CEP112: variants seen among roughly 807,000 people sequenced by gnomAD.
The protein encoded by CEP112 is centrosomal protein of 112 kDa.
Under a neutral mutation model 153.0 loss-of-function variants are expected in CEP112, and 127 were observed. The observed-to-expected ratio is 0.83, with a 90% confidence interval of 0.72 to 0.96. The LOEUF is 0.96. CEP112 is among the 40% of genes least tolerant of loss of function. CEP112 has a pLI of 0.00. For missense variants in CEP112, 1,089 were observed against 1,101.2 expected (o/e 0.99, Z 0.16); for synonymous variants, 358 against 374.4 (o/e 0.96, Z 0.51).
intron 4 of CEP112, among the ~76,000 whole-genome samples, chr17:66,143,975 C>G (rs544553134): frequency 2.6e-5 from 4 of 152,302 alleles, no homozygotes; most frequent in Non-Finnish European, 5.9e-5. Flanking sequence ...CGGTCCCTCT[C>G]TCACCATTGT....
chr17:65,690,612 C>T (rs1390849736), intron 23 of CEP112, among the ~76,000 whole-genome samples: 1 of 151,704 alleles, frequency 6.6e-6, no homozygotes, highest in African/African-American at 2.4e-5. Flanking sequence ...AATAGATGGT[C>T]CAAGAAGGCC....
At chr17:66,136,728 G>A (rs9891968) in intron 4 of CEP112, among the ~76,000 whole-genome samples, 8,844 of 152,172 alleles carry the variant, frequency 0.058, 271 homozygotes, top group East Asian at 0.072. Flanking sequence ...AAGGCCCATG[G>A]TACAAGACAC....
intron 6 of CEP112, among the ~76,000 whole-genome samples, chr17:66,128,135 T>G (rs1474777216): frequency 6.6e-6 from 1 of 151,654 alleles, no homozygotes; most frequent in Non-Finnish European, 1.5e-5. Flanking sequence ...AACCCCCGTC[T>G]CTACTAAAAA....
chr17:65,749,783 G>GTTGTTCATTAGATATTATTATCTTT, intron 22 of CEP112, among the ~76,000 whole-genome samples: 1 of 152,210 alleles, frequency 6.6e-6, no homozygotes, highest in East Asian at 1.9e-4. Flanking sequence ...TTATCTTTTT[G>GTTGTTCATTAGATATTATTATCTTT]TTGTTGTTGT....
chr17:65,725,507 G>C (rs1208216844), intron 23 of CEP112, among the ~76,000 whole-genome samples: 2 of 152,084 alleles, frequency 1.3e-5, no homozygotes, highest in African/African-American at 4.8e-5. Flanking sequence ...CGTAGAAATG[G>C]GGTTTCACCA....
chr17:65,758,683 T>C (rs2052428368), intron 21 of CEP112, among the ~76,000 whole-genome samples: 1 of 152,174 alleles, frequency 6.6e-6, no homozygotes, highest in African/African-American at 2.4e-5. Context: ...GTCTTTAAAA[T>C]CTTCAAATAT....
chr17:65,767,028 T>C (rs2053026842), intron 21 of CEP112, among the ~76,000 whole-genome samples: 1 of 152,096 alleles, frequency 6.6e-6, no homozygotes, highest in Non-Finnish European at 1.5e-5. Flanking sequence ...TGACATTGAA[T>C]TGTGCTTTAG....
chr17:65,735,756 T>A (rs2050766074), intron 23 of CEP112, among the ~76,000 whole-genome samples: 1 of 152,176 alleles, frequency 6.6e-6, no homozygotes, highest in South Asian at 2.1e-4. Context: ...TGCTTCTATA[T>A]CATCTATGCA....
At chr17:65,776,401 A>AT (rs369211794) in intron 21 of CEP112, among the ~76,000 whole-genome samples, 85 of 152,116 alleles carry the variant, frequency 5.6e-4, no homozygotes, top group African/African-American at 2.0e-3. Context: ...CGCTCAGCTA[A>AT]TTTTTTGTAT....
intron 17 of CEP112, among the ~76,000 whole-genome samples, chr17:65,979,413 A>T (rs1219281806): frequency 6.6e-6 from 1 of 151,834 alleles, no homozygotes; most frequent in Admixed American, 6.6e-5. Flanking sequence ...TTATTAAAAA[A>T]ATTTTTGGTA....
At chr17:65,882,013 A>G (rs958514512) in intron 20 of CEP112, among the ~76,000 whole-genome samples, 1 of 152,232 alleles carries the variant, frequency 6.6e-6, no homozygotes, top group African/African-American at 2.4e-5. Context: ...TTTCATGGAC[A>G]TGGTAGCCTC....
intron 21 of CEP112, among the ~76,000 whole-genome samples, chr17:65,832,970 A>G (rs1347356484): frequency 6.6e-6 from 1 of 152,196 alleles, no homozygotes; most frequent in Non-Finnish European, 1.5e-5. Context: ...AAATACTGGC[A>G]AACTGAATCC....
At chr17:65,886,893 A>G (rs1218361922) in intron 20 of CEP112, among the ~76,000 whole-genome samples, 1 of 152,168 alleles carries the variant, frequency 6.6e-6, no homozygotes, top group African/African-American at 2.4e-5. Context: ...TATAACATTA[A>G]TGCTTACTCA....
chr17:65,889,090 C>T (rs1381577074), intron 20 of CEP112, among the ~76,000 whole-genome samples: 2 of 152,144 alleles, frequency 1.3e-5, no homozygotes, highest in Non-Finnish European at 2.9e-5. Context: ...TCAGGAGCAA[C>T]CATAGGACTG....
chr17:65,669,386 T>C (rs2046853919), intron 24 of CEP112, among the ~76,000 whole-genome samples: 1 of 151,724 alleles, frequency 6.6e-6, no homozygotes, highest in Non-Finnish European at 1.5e-5. Context: ...AAACGTAGGG[T>C]TGGAGTTTGA....
At chr17:65,874,312 G>T (rs546668426) in intron 20 of CEP112, among the ~76,000 whole-genome samples, 162 of 152,128 alleles carry the variant, frequency 1.1e-3, no homozygotes, top group African/African-American at 3.9e-3. Flanking sequence ...AAAGCTTATT[G>T]CTCTAGATAT....
intron 17 of CEP112, among the ~76,000 whole-genome samples, chr17:65,970,458 ATGC>A (rs1410242004): frequency 2.2e-5 from 1 of 46,448 alleles, no homozygotes; most frequent in Non-Finnish European, 4.5e-5. Flanking sequence ...TATTACATGC[ATGC>A]ACACATGCAT....
rs559330998 is a variant in CEP112, at chr17:66,098,493, T to C, written c.643-1861A>G. 9.9e-5 allele frequency among the ~76,000 whole-genome samples: 15 copies of C among 152,160 alleles called. No individual in the cohort carries two copies. In the South Asian group the frequency reaches 3.1e-3, roughly 32 times the overall value. On this transcript the variant is annotated intron_variant, in intron 6 of 26. Coordinates refer to ENST00000535342, the MANE Select transcript of CEP112 (RefSeq NM_001199165.4). ...GAAAATGAACAATCCATACCCAATT[T>C]GACAATAAAGATAACGGTGAATGAA...
chr17:65,947,695 G>T (rs2061692012), intron 18 of CEP112, among the ~76,000 whole-genome samples: 1 of 151,920 alleles, frequency 6.6e-6, no homozygotes, highest in African/African-American at 2.4e-5. Flanking sequence ...CATATTCTTT[G>T]GAAGCTGTCA....
Sources: gnomAD v4.1 joint callset for allele counts (sites outside exome capture counted in the v4.1 genomes callset) on GRCh38, gnomAD v4.1.1 for gene constraint, MANE v1.5 for transcripts, NCBI Gene and HGNC (gene_info 2026-07-23, HGNC 2026-07-21) for gene names.